PRKDC: variants seen among roughly 807,000 people sequenced by gnomAD.
PRKDC encodes protein kinase, DNA-activated, catalytic subunit, also known as DNA-dependent protein kinase catalytic subunit.
A neutral mutation model predicts 486.9 loss-of-function variants in PRKDC; 82 were observed. That is an observed-to-expected ratio of 0.17 (90% CI 0.14 to 0.20). The LOEUF (loss-of-function observed/expected upper bound fraction) is 0.20, where lower values mean the gene tolerates loss of function less well. Among genes scored for constraint, PRKDC ranks in the 10% least tolerant of loss-of-function variants. The probability of loss-of-function intolerance (pLI) is 1.00; values close to 1 mark genes in which losing one functional copy is unlikely to be tolerated. For missense variants in PRKDC, 4,504 were observed against 5,038.2 expected (o/e 0.89, Z 3.21); for synonymous variants, 1,895 against 1,837.0 (o/e 1.03, Z -0.81).
intron 25 of PRKDC, among the ~76,000 whole-genome samples, chr8:47,911,717 T>C (rs978476285): frequency 4.6e-5 from 7 of 152,186 alleles, no homozygotes; most frequent in Admixed American, 6.5e-5. Context: ...GAAGGATTTG[T>C]CCATAAAGTC....
In PRKDC at chr8:47,927,859, T is replaced by G. The variant is rs746296770; in HGVS notation, c.2171A>C (p.Glu724Ala). 1 of 1,596,924 alleles carries G rather than the reference T, an allele frequency of 6.3e-7. No homozygotes were observed. Among genetic ancestry groups the G allele is most frequent in the South Asian group, 1.1e-5 (1 of 87,454 alleles). The change falls in exon 20 of 86, where the codon GAA (glutamate) becomes GCA (alanine). Residue 724 changes from glutamate to alanine, a missense_variant. By Grantham distance (107) the Glu-to-Ala change is moderately radical. Transcript: ENST00000314191. ...VAVKMKQYKD[E>A]LLASCLTFLL... is the part of the protein sequence containing the mutation. ...AAAGGTCAAACAAGAGGCCAAAAGT[T>G]CATCTTTGTACTGCTTCATTTTAAC...
chr8:47,854,964 C>A (rs527552328), intron 50 of PRKDC, among the ~76,000 whole-genome samples: 1 of 152,198 alleles, frequency 6.6e-6, no homozygotes. Context: ...ACCCTCTACC[C>A]CATGGGCCAA....
chr8:47,913,259 G>A (rs1449201285), intron 24 of PRKDC, among the ~76,000 whole-genome samples: 2 of 152,176 alleles, frequency 1.3e-5, no homozygotes, highest in Non-Finnish European at 2.9e-5. Context: ...TGCTATGCCT[G>A]TATGAAAATT....
chr8:47,785,096 C>T lies in PRKDC; in HGVS notation c.11107+17G>A. 6.2e-7 allele frequency: 1 copy of T among 1,612,990 alleles called. No individual in the cohort carries two copies. Among genetic ancestry groups the T allele is most frequent in the Admixed American group, 1.7e-5 (1 of 59,998 alleles). ...CTCCTGACAGTACAGTTTTGTCACC[C>T]CTGGAGGTTAACTCACCGGGAATCT... On this transcript the variant is annotated intron_variant, in intron 77 of 85. Coordinates refer to ENST00000314191, the MANE Select transcript of PRKDC (RefSeq NM_006904.7).
chr8:47,830,600 C>T lies in PRKDC; in HGVS notation c.8397+5G>A. ...TCAACAGAAAACGCAGCGGCAAAAA[C>T]TGACCTGGGCCACGGCCTGTAACGG... On this transcript the variant is annotated splice_donor_5th_base_variant and intron_variant, in intron 61 of 85. Transcript: ENST00000314191. 6.2e-7 allele frequency: 1 copy of T among 1,612,960 alleles called. No homozygotes were observed. Among genetic ancestry groups the T allele is most frequent in the Admixed American group, 1.7e-5 (1 of 59,958 alleles).
chr8:47,885,934 A>G lies in PRKDC; in HGVS notation c.4776+10T>C, dbSNP rs1159058293. 6.2e-7 allele frequency: 1 copy of G among 1,608,768 alleles called. No individual in the cohort carries two copies. Among genetic ancestry groups the G allele is most frequent in the African/African-American group, 1.3e-5 (1 of 74,840 alleles). On this transcript the variant is annotated intron_variant, in intron 36 of 85. Coordinates refer to ENST00000314191, the MANE Select transcript of PRKDC (RefSeq NM_006904.7). Reference sequence around the variant, plus strand: ...AAAAAAACAGTTTATTTAAAGGGAAACTTTGTTACCATTTTGGTATTATCC... The same window carrying G: ...AAAAAAACAGTTTATTTAAAGGGAAGCTTTGTTACCATTTTGGTATTATCC...
intron 40 of PRKDC, among the ~76,000 whole-genome samples, chr8:47,867,034 G>C (rs2088833735): frequency 1.3e-5 from 2 of 152,158 alleles, no homozygotes; most frequent in South Asian, 4.1e-4. Flanking sequence ...CACTGCATCT[G>C]GCTTCCCTGT....
chr8:47,943,405 C>A (rs1407438801), intron 9 of PRKDC, 39 bp from the exon 10 acceptor site: 1 of 1,555,772 alleles, frequency 6.4e-7, no homozygotes, highest in East Asian at 2.3e-5. Context: ...AATCAGACGA[C>A]ATAACACAGA....
chr8:47,933,929 TA>T (rs1366193865), intron 15 of PRKDC, 35 bp downstream of exon 15: 10 of 1,579,348 alleles, frequency 6.3e-6, no homozygotes, highest in African/African-American at 2.7e-5. Flanking sequence ...ATAAAGGAAG[TA>T]AGGTACATTT....
intron 38 of PRKDC, among the ~76,000 whole-genome samples, chr8:47,880,951 G>T (rs1293096039): frequency 6.6e-6 from 1 of 151,500 alleles, no homozygotes; most frequent in African/African-American, 2.4e-5. Flanking sequence ...GGAGGCTGAG[G>T]CACAAGAATC....
chr8:47,902,490 C>T, intron 27 of PRKDC, 79 bp downstream of exon 27: 5 of 959,170 alleles, frequency 5.2e-6, no homozygotes, highest in Non-Finnish European at 7.2e-6. Flanking sequence ...GGAAATATGA[C>T]ACACGGATAC....
intron 48 of PRKDC, 122 bp from the exon 49 acceptor site, chr8:47,857,421 G>A (rs530846107): frequency 1.1e-5 from 12 of 1,093,644 alleles, no homozygotes; most frequent in Middle Eastern, 2.5e-4. Flanking sequence ...AGCCAAAAGC[G>A]AGGTAAGCAC....
intron 74 of PRKDC, among the ~76,000 whole-genome samples, chr8:47,792,087 C>A (rs1348379430): frequency 6.6e-6 from 1 of 151,948 alleles, no homozygotes; most frequent in Non-Finnish European, 1.5e-5. Flanking sequence ...ATAAGTCAGG[C>A]ACAGAAAAAC....
At position 47,782,562 on chromosome 8, in the gene PRKDC, T is replaced by C. The variant is rs767699989; in HGVS notation, c.11212A>G (p.Ile3738Val). 2.5e-6 allele frequency: 4 copies of C among 1,570,282 alleles called. No homozygotes were observed. The highest frequency in any genetic ancestry group is 2.3e-5 in the South Asian group (2 of 85,314). Reference protein sequence around the residue: ...VMASLRRPKRIIIRGHDEREH... With the variant: ...VMASLRRPKRVIIRGHDEREH... ...CTCTCGTCATGGCCACGGATGATGA[T>C]GCGCTTGGGCCTTCGCAGAGACGCC... is the stretch of plus-strand genomic sequence containing the variant. The change falls in exon 79 of 86, where the codon ATC (isoleucine) becomes GTC (valine). Residue 3738 changes from isoleucine to valine, a missense_variant. Coordinates refer to ENST00000314191, the MANE Select transcript of PRKDC (RefSeq NM_006904.7). This position sits in a 1 kb window ranked among gnomAD's most constrained non-coding sequence, Gnocchi z 4.9.
Position 47,774,167 on chromosome 8 carries a change from C to G in PRKDC, c.*6G>C, listed in dbSNP as rs1353823845. The stretch of plus-strand genomic sequence containing the variant: ...AATGCTTTCTATCTGCAGACTCCCA[C>G]AGACCTCACATCCAGGGCTCCCATC... On this transcript the variant is annotated 3_prime_UTR_variant, in exon 86 of 86. Transcript: ENST00000314191. 3 of 1,566,158 alleles carry G rather than the reference C, an allele frequency of 1.9e-6. No homozygotes were observed. Among genetic ancestry groups the G allele is most frequent in the Non-Finnish European group, 2.6e-6 (3 of 1,154,718 alleles).
chr8:47,818,578 CAAAAAAA>C (rs1174698261), intron 67 of PRKDC, among the ~76,000 whole-genome samples: 4 of 36,132 alleles, frequency 1.1e-4, no homozygotes, highest in East Asian at 8.2e-4. Context: ...GACTCCGTCT[CAAAAAAA>C]AAAAAAAAAA....
intron 60 of PRKDC, 87 bp from the exon 61 acceptor site, chr8:47,830,823 C>G: frequency 6.4e-7 from 1 of 1,553,544 alleles, no homozygotes; most frequent in Non-Finnish European, 8.8e-7. Context: ...CCAGGATCCC[C>G]TGAACCATGA....
chr8:47,940,167 G>A (rs748224906), intron 10 of PRKDC, among the ~76,000 whole-genome samples: 19 of 152,056 alleles, frequency 1.2e-4, no homozygotes, highest in Non-Finnish European at 2.4e-4. Flanking sequence ...GACTTCAGAC[G>A]TCATCAATAA....
At chr8:47,953,770 C>A (rs1480743926) in intron 6 of PRKDC, 37 bp downstream of exon 6, 13 of 1,579,716 alleles carry the variant, frequency 8.2e-6, no homozygotes. Context: ...AACACAACCA[C>A]ATCTATGGAA....
Sources: gnomAD v4.1 joint callset for allele counts (sites outside exome capture counted in the v4.1 genomes callset) on GRCh38, gnomAD v4.1.1 for gene constraint, Gnocchi (gnomAD v3.1) non-coding constraint, MANE v1.5 for transcripts, NCBI Gene and HGNC (gene_info 2026-07-23, HGNC 2026-07-21) for gene names.